EPM2A: variants seen among roughly 807,000 people sequenced by gnomAD.
EPM2A encodes laforin.
Under a neutral mutation model 26.5 loss-of-function variants are expected in EPM2A, and 21 were observed. That is an observed-to-expected ratio of 0.79 (90% confidence interval 0.56 to 1.14). EPM2A has a LOEUF of 1.14. EPM2A is among the 50% of genes most tolerant of loss of function. The probability of loss-of-function intolerance (pLI) is 0.00; values close to 1 mark genes in which losing one functional copy is unlikely to be tolerated. For synonymous variants in EPM2A, 217 were observed against 177.6 expected, an observed-to-expected ratio of 1.22 and a Z score of -1.76; for missense variants, 458 against 440.8, an observed-to-expected ratio of 1.04 and a Z score of -0.35.
chr6:145,686,247 CA>C lies in EPM2A; in HGVS notation c.350del (p.Leu117TrpfsTer10), dbSNP rs1362533897. On this transcript the variant is annotated frameshift_variant, in exon 2 of 4. Coordinates refer to ENST00000367519, the MANE Select transcript of EPM2A (RefSeq NM_005670.4). LOFTEE classifies it high-confidence loss of function. Reference sequence around the variant, plus strand: ...TTGGGAGACAATACACACCATCCACCAAGTTGTTTTCATTGTAAGTACAGCA... The same window carrying C: ...TTGGGAGACAATACACACCATCCACCAGTTGTTTTCATTGTAAGTACAGCA... ...DRCCTYNENN[L>X]VDGVYCLPIG... 6.2e-7 allele frequency: 1 copy of C among 1,613,776 alleles called. No homozygotes were observed. Among genetic ancestry groups the C allele is most frequent in the Non-Finnish European group, 8.5e-7 (1 of 1,179,870 alleles).
intron 4 of EPM2A, among the ~76,000 whole-genome samples, chr6:145,399,372 G>C (rs751890502): frequency 4.6e-5 from 7 of 152,076 alleles, no homozygotes; most frequent in Admixed American, 1.3e-4. Flanking sequence ...TTGTTTGATG[G>C]GACATGTTGT....
chr6:145,671,125 T>C, intron 2 of EPM2A: 6 of 993,974 alleles, frequency 6.0e-6, no homozygotes, highest in Non-Finnish European at 7.2e-6. Context: ...CCCACCAAAT[T>C]CTGTGGCTAT....
At chr6:145,470,784 A>G (rs1779463347) in intron 4 of EPM2A, among the ~76,000 whole-genome samples, 1 of 152,178 alleles carries the variant, frequency 6.6e-6, no homozygotes, top group Non-Finnish European at 1.5e-5. Context: ...ATAGTCTAGC[A>G]TAGGTAGTTG....
chr6:145,422,798 T>A (rs762386545), intron 4 of EPM2A, among the ~76,000 whole-genome samples: 35 of 152,126 alleles, frequency 2.3e-4, no homozygotes, highest in Admixed American at 2.2e-3. Context: ...CCTAAATTCC[T>A]CCTAAACTGA....
Position 145,388,187 on chromosome 6 carries a change from TTTATTTCTCTTCTCTGTCTA to T in EPM2A, c.556-4110_556-4091del, listed in dbSNP as rs146227407. Among the ~76,000 whole-genome samples, 429 of 152,324 alleles carry T rather than the reference TTTATTTCTCTTCTCTGTCTA, an allele frequency of 2.8e-3. 2 individuals carry two copies. The highest frequency in any genetic ancestry group is 0.017 in the Middle Eastern group (5 of 294). On this transcript the variant is annotated intron_variant, in intron 4 of 4. Transcript: ENST00000638717. ...CTTACAGATTTGATATACTGTTCTCTTTATTTCTCTTCTCTGTCTAAACCCTTCAAAGATTCTCCACTTCA... is the reference window on the plus strand; with the variant it reads ...CTTACAGATTTGATATACTGTTCTCTAACCCTTCAAAGATTCTCCACTTCA...
intron 1 of EPM2A, among the ~76,000 whole-genome samples, chr6:145,726,312 T>C (rs554163247): frequency 2.0e-5 from 3 of 152,186 alleles, no homozygotes; most frequent in East Asian, 3.9e-4. Flanking sequence ...AATTCCTATA[T>C]ATATAAATAA....
chr6:145,564,776 G>T (rs959753651), intron 2 of EPM2A, among the ~76,000 whole-genome samples: 26 of 151,754 alleles, frequency 1.7e-4, no homozygotes, highest in Admixed American at 1.2e-3. Flanking sequence ...TATATGGTGG[G>T]GGGGGGCAGG....
intron 1 of EPM2A, among the ~76,000 whole-genome samples, chr6:145,732,236 T>TGTGTGTGTGC (rs374032616): frequency 0.02 from 2,652 of 132,138 alleles, 51 homozygotes; most frequent in East Asian, 0.079. Context: ...TGTGTGTGTG[T>TGTGTGTGTGC]GCGCGCCAAA....
chr6:145,418,569 T>C (rs763127907), intron 4 of EPM2A, among the ~76,000 whole-genome samples: 4 of 152,194 alleles, frequency 2.6e-5, no homozygotes, highest in Non-Finnish European at 4.4e-5. Flanking sequence ...TTAGCAGACA[T>C]GTGTTGCTGG....
At position 145,627,605 on chromosome 6, in the gene EPM2A, C is replaced by T. The variant is rs755516128; in HGVS notation, c.807G>A (p.Gly269=). Residue 269 remains glycine (G), a synonymous_variant, in exon 4 of 4, where the codon GGG becomes GGA. Transcript: ENST00000367519. ...AGACAGCCGCGGTGGAGCGGCCCAC[C>T]CCAGCGTTGCAGTGCACGTACACGA... is the stretch of plus-strand genomic sequence containing the variant. ...GHIVYVHCNA[G]VGRSTAAVCG... 23 of 1,614,220 alleles carry T rather than the reference C, an allele frequency of 1.4e-5. No homozygotes were observed. The South Asian group carries it at 2.3e-4, about 16-fold the overall frequency.
chr6:145,421,916 A>AT (rs1554235397), intron 4 of EPM2A, among the ~76,000 whole-genome samples: 1 of 150,752 alleles, frequency 6.6e-6, no homozygotes, highest in Non-Finnish European at 1.5e-5. Flanking sequence ...CTAAACTATG[A>AT]TTTTTAAAAA....
At chr6:145,632,184 C>T (rs1776314386) in intron 3 of EPM2A, 1 of 152,202 alleles carries the variant, frequency 6.6e-6, no homozygotes, top group African/African-American at 2.4e-5. Flanking sequence ...TCCCAGCTAC[C>T]CAGTGGTGAC....
chr6:145,405,240 A>C (rs1449008295), intron 4 of EPM2A, among the ~76,000 whole-genome samples: 1 of 152,158 alleles, frequency 6.6e-6, no homozygotes, highest in Non-Finnish European at 1.5e-5. Flanking sequence ...TCTTCCAGAA[A>C]TGCAATTTTT....
intron 2 of EPM2A, among the ~76,000 whole-genome samples, chr6:145,614,521 C>T (rs1775464050): frequency 6.6e-6 from 1 of 152,234 alleles, no homozygotes; most frequent in Non-Finnish European, 1.5e-5. Flanking sequence ...TCACTAAGCT[C>T]AATCATTTCT....
intron 2 of EPM2A, among the ~76,000 whole-genome samples, chr6:145,646,117 C>T (rs1777442223): frequency 6.6e-6 from 1 of 152,082 alleles, no homozygotes. Context: ...TGAGTCCCAC[C>T]TGGCACAACT....
At position 145,686,188 on chromosome 6, in the gene EPM2A, T is replaced by C. The variant is rs61757376; in HGVS notation, c.410A>G (p.Asn137Ser). Residue 137 changes from asparagine (N) to serine (S), a missense_variant, in exon 2 of 4, where the codon AAT becomes AGT. By Grantham distance (46) the Asn-to-Ser change is conservative. Transcript: ENST00000367519. The stretch of plus-strand genomic sequence containing the variant: ...GAAGTCTGTTGTGTGCTTCATTTCA[T>C]TGGTGTGCCCAGTGGCCTCAATCCA... ...GHWIEATGHTNEMKHTTDFYF... is the reference protein window; with the variant it reads ...GHWIEATGHTSEMKHTTDFYF... 188 of 1,613,888 alleles carry C rather than the reference T, an allele frequency of 1.2e-4. No individual in the cohort carries two copies. Among genetic ancestry groups the C allele is most frequent in the Non-Finnish European group, 1.5e-4 (177 of 1,179,904 alleles).
At chr6:145,711,032 T>G (rs1775290771) in intron 1 of EPM2A, among the ~76,000 whole-genome samples, 1 of 150,242 alleles carries the variant, frequency 6.7e-6, no homozygotes, top group Non-Finnish European at 1.5e-5. Context: ...AATGACGAGT[T>G]AATGGGTGCA....
chr6:145,436,780 C>T (rs1778994630), intron 4 of EPM2A, among the ~76,000 whole-genome samples: 1 of 152,004 alleles, frequency 6.6e-6, no homozygotes. Context: ...CTGATGCTTT[C>T]TTCTGACCAA....
rs1459666206 is a variant in EPM2A at position 145,644,214 on chromosome 6, A to G, written c.477-8728T>C. 2.0e-5 allele frequency among the ~76,000 whole-genome samples: 3 copies of G among 152,214 alleles called. No homozygotes were observed. The South Asian group carries it at 6.2e-4, about 32-fold the overall frequency. On this transcript the variant is annotated intron_variant, in intron 2 of 3. Coordinates refer to ENST00000367519, the MANE Select transcript of EPM2A (RefSeq NM_005670.4). ...GACAAGCATTGTATCTCTGTTGTTA[A>G]TGCTAATATTAACCAGGCTCATTAT...
Sources: allele counts gnomAD v4.1 joint callset (sites outside exome capture counted in the v4.1 genomes callset), GRCh38; gene constraint gnomAD v4.1.1; transcripts MANE v1.5; gene names NCBI Gene and HGNC (gene_info 2026-07-23, HGNC 2026-07-21).